TFEC: variants seen among roughly 807,000 people sequenced by gnomAD.
TFEC encodes transcription factor EC.
TFEC carries 31 observed loss-of-function variants against 41.6 expected under a neutral mutation model. The ratio of observed to expected loss-of-function variants is 0.74; its 90% CI spans 0.56 to 1.01. The LOEUF is 1.01. Ranked by LOEUF, TFEC falls within the 50% of genes least tolerant of loss-of-function variation. The probability of loss-of-function intolerance (pLI) is 0.00; values close to 1 mark genes in which losing one functional copy is unlikely to be tolerated. For missense variants in TFEC, 402 were observed against 404.1 expected, an observed-to-expected ratio of 0.99 and a Z score of 0.04; for synonymous variants, 143 against 140.6, an observed-to-expected ratio of 1.02 and a Z score of -0.12.
At chr7:116,054,891 A>G (rs776250874) in intron 3 of TFEC, among the ~76,000 whole-genome samples, 2 of 152,150 alleles carry the variant, frequency 1.3e-5, no homozygotes, top group African/African-American at 4.8e-5. Context: ...AGAGCAATGA[A>G]TAAGTTTTAC....
intron 1 of TFEC, among the ~76,000 whole-genome samples, chr7:116,021,019 A>G (rs1208831966): frequency 1.3e-5 from 2 of 152,330 alleles, no homozygotes; most frequent in East Asian, 1.9e-4. Context: ...ATCCAACACT[A>G]TAATGTGAGA....
In TFEC at chr7:116,015,344, A is replaced by G. The variant is rs551857353; in HGVS notation, c.-73+15289T>C. On this transcript the variant is annotated intron_variant, in intron 1 of 7. Coordinates refer to ENST00000265440, the MANE Select transcript of TFEC (RefSeq NM_012252.4). ...ATTAAATGCTCTAATAGTAGAAGTTATAAAGGAAAAAAGTTCTCTCTTTTT... is the reference window on the plus strand; with the variant it reads ...ATTAAATGCTCTAATAGTAGAAGTTGTAAAGGAAAAAAGTTCTCTCTTTTT... Among the ~76,000 whole-genome samples the G allele has an allele frequency of 5.3e-5, 8 of 152,226 alleles. No individual in the cohort carries two copies. The South Asian group carries it at 8.3e-4, about 16-fold the overall frequency.
At chr7:116,091,669 C>T (rs116648891) in intron 3 of TFEC, among the ~76,000 whole-genome samples, 3,468 of 152,058 alleles carry the variant, frequency 0.023, 134 homozygotes, top group African/African-American at 0.078. Flanking sequence ...GATGGAGAAA[C>T]ATCTCTAATA....
In TFEC at chr7:115,954,569, G is replaced by A; in HGVS notation, c.439+17C>T. 6.2e-7 allele frequency: 1 copy of A among 1,601,794 alleles called. No individual in the cohort carries two copies. The highest frequency in any genetic ancestry group is 8.5e-7 in the Non-Finnish European group (1 of 1,172,752). ...TTTCCTTTTGCATTAATTTTATATG[G>A]AAAAATATATACTCACTGAGGTTGT... On this transcript the variant is annotated intron_variant, in intron 5 of 7. Transcript: ENST00000265440.
chr7:116,052,204 G>A (rs918163498), intron 3 of TFEC, among the ~76,000 whole-genome samples: 2 of 152,044 alleles, frequency 1.3e-5, no homozygotes, highest in Non-Finnish European at 1.5e-5. Context: ...TTATAGGAAT[G>A]TAGCTGTGAG....
At chr7:116,108,783 C>A (rs1797778665) in intron 3 of TFEC, among the ~76,000 whole-genome samples, 1 of 152,150 alleles carries the variant, frequency 6.6e-6, no homozygotes, top group African/African-American at 2.4e-5. Context: ...CTGTGATAGA[C>A]CCTCTACAAA....
chr7:115,993,436 A>C (rs1794216444), intron 1 of TFEC, among the ~76,000 whole-genome samples: 1 of 152,224 alleles, frequency 6.6e-6, no homozygotes, highest in African/African-American at 2.4e-5. Context: ...TGCAGATGAC[A>C]TGATTGTATA....
chr7:115,995,640 A>C (rs1255757223), intron 1 of TFEC, among the ~76,000 whole-genome samples: 3 of 152,224 alleles, frequency 2.0e-5, no homozygotes, highest in Non-Finnish European at 4.4e-5. Flanking sequence ...TCAGGTGAGC[A>C]ATCACAGTAT....
intron 3 of TFEC, among the ~76,000 whole-genome samples, chr7:116,063,580 A>G (rs1031697505): frequency 1.3e-5 from 2 of 152,060 alleles, no homozygotes; most frequent in African/African-American, 4.8e-5. Context: ...GATCACACCA[A>G]TGCACTCCAG....
chr7:116,107,912 G>A (rs1252855057), intron 3 of TFEC, among the ~76,000 whole-genome samples: 1 of 152,160 alleles, frequency 6.6e-6, no homozygotes, highest in East Asian at 1.9e-4. Context: ...AATACTATAT[G>A]TAAAGTGATT....
At chr7:116,085,439 A>T (rs1797181925) in intron 3 of TFEC, among the ~76,000 whole-genome samples, 3 of 151,836 alleles carry the variant, frequency 2.0e-5, no homozygotes, top group Non-Finnish European at 2.9e-5. Flanking sequence ...TTCTTTGCAC[A>T]TACCCATAAA....
At chr7:116,106,374 T>C (rs1797717370) in intron 3 of TFEC, among the ~76,000 whole-genome samples, 1 of 148,218 alleles carries the variant, frequency 6.7e-6, no homozygotes, top group Non-Finnish European at 1.5e-5. Context: ...TTTTTGTTTT[T>C]TGTTTGTTTG....
chr7:116,104,793 T>C (rs1003149891), intron 3 of TFEC, among the ~76,000 whole-genome samples: 3 of 150,496 alleles, frequency 2.0e-5, no homozygotes, highest in Non-Finnish European at 4.4e-5. Context: ...GTCTTTGAAA[T>C]AGATGACTTC....
At chr7:116,051,138 G>C (rs1025981782) in intron 3 of TFEC, among the ~76,000 whole-genome samples, 1 of 152,086 alleles carries the variant, frequency 6.6e-6, no homozygotes, top group Admixed American at 6.5e-5. Context: ...CACACACTGG[G>C]GCCTGTCTTG....
chr7:115,974,990 A>G (rs543121060), intron 2 of TFEC, among the ~76,000 whole-genome samples: 3 of 152,202 alleles, frequency 2.0e-5, no homozygotes, highest in African/African-American at 7.2e-5. Flanking sequence ...GTACTTTGCT[A>G]TATAGAAAAG....
At chr7:116,119,237 G>C (rs1277482795) in intron 1 of TFEC, among the ~76,000 whole-genome samples, 2 of 151,752 alleles carry the variant, frequency 1.3e-5, no homozygotes, top group South Asian at 2.1e-4. Context: ...CATTTAAGAA[G>C]TGGTATATTT....
At chr7:116,095,584 C>A (rs190867763) in intron 3 of TFEC, among the ~76,000 whole-genome samples, 82 of 152,182 alleles carry the variant, frequency 5.4e-4, no homozygotes, top group Non-Finnish European at 8.8e-4. Context: ...GTCAGTTCCC[C>A]TTTCCTCCTT....
chr7:116,108,236 C>T (rs1047086184), intron 3 of TFEC, among the ~76,000 whole-genome samples: 2 of 152,070 alleles, frequency 1.3e-5, no homozygotes, highest in African/African-American at 2.4e-5. Context: ...AAAGTTTACT[C>T]AAGGTCAATG....
intron 3 of TFEC, among the ~76,000 whole-genome samples, chr7:116,061,777 G>GA (rs977529759): frequency 2.0e-5 from 3 of 151,976 alleles, no homozygotes; most frequent in African/African-American, 7.2e-5. Context: ...ATAAGAAAGA[G>GA]AAAAAACTCT....
Sources: gnomAD v4.1 joint callset for allele counts (sites outside exome capture counted in the v4.1 genomes callset) on GRCh38, gnomAD v4.1.1 for gene constraint, MANE v1.5 for transcripts, NCBI Gene and HGNC (gene_info 2026-07-23, HGNC 2026-07-21) for gene names.